Variants in CTNNA2 observed in about 807,000 individuals in gnomAD.
CTNNA2 encodes the protein catenin alpha 2.
In CTNNA2, 42 loss-of-function variants were observed where a neutral mutation model predicts 101.0. That is an observed-to-expected ratio of 0.42 (90% CI 0.32 to 0.54). The LOEUF (loss-of-function observed/expected upper bound fraction) is 0.54. Among genes scored for constraint, CTNNA2 ranks in the 20% least tolerant of loss-of-function variants. The probability of loss-of-function intolerance (pLI) is 0.14; values close to 1 mark genes in which losing one functional copy is unlikely to be tolerated. For missense variants in CTNNA2, 871 were observed against 1,223.1 expected (o/e 0.71, Z 4.29); for synonymous variants, 450 against 456.4 (o/e 0.99, Z 0.18).
chr2:80,042,861 C>A (rs1176896627), intron 7 of CTNNA2, among the ~76,000 whole-genome samples: 1 of 152,146 alleles, frequency 6.6e-6, no homozygotes, highest in African/African-American at 2.4e-5. Context: ...TGTGAAATGC[C>A]TTACAGCCTT....
At chr2:79,760,504 A>G (rs1030347713) in intron 3 of CTNNA2, among the ~76,000 whole-genome samples, 59 of 152,050 alleles carry the variant, frequency 3.9e-4, no homozygotes, top group African/African-American at 1.4e-3. Context: ...TTTCCAGCAG[A>G]CCTCGGTTTT....
intron 7 of CTNNA2, among the ~76,000 whole-genome samples, chr2:80,194,765 A>G (rs1706730542): frequency 6.7e-6 from 1 of 149,900 alleles, no homozygotes; most frequent in Non-Finnish European, 1.5e-5. Context: ...TTCTATTAAT[A>G]TATTATATAT....
chr2:80,530,348 A>G (rs1171119742), intron 9 of CTNNA2, among the ~76,000 whole-genome samples: 1 of 152,160 alleles, frequency 6.6e-6, no homozygotes, highest in African/African-American at 2.4e-5. Context: ...GTGGCCCATA[A>G]AAGGAAGAGT....
At chr2:79,982,386 CAT>C (rs997915727) in intron 7 of CTNNA2, among the ~76,000 whole-genome samples, 6 of 130,954 alleles carry the variant, frequency 4.6e-5, no homozygotes, top group Admixed American at 2.3e-4. Flanking sequence ...ACATATATAA[CAT>C]ATATAACATA....
At chr2:79,891,122 C>T (rs143682222) in intron 6 of CTNNA2, among the ~76,000 whole-genome samples, 1 of 151,942 alleles carries the variant, frequency 6.6e-6, no homozygotes, top group African/African-American at 2.4e-5. Context: ...CAGATCTTTA[C>T]ATTTTACAGC....
At chr2:79,254,627 C>T (rs1328173791) in intron 2 of CTNNA2, among the ~76,000 whole-genome samples, 1 of 152,110 alleles carries the variant, frequency 6.6e-6, no homozygotes, top group Non-Finnish European at 1.5e-5. Context: ...TTATAAATTA[C>T]CCAGTCTCAG....
At chr2:80,153,055 G>T (rs778532718) in intron 7 of CTNNA2, among the ~76,000 whole-genome samples, 47 of 152,092 alleles carry the variant, frequency 3.1e-4, no homozygotes, top group African/African-American at 1.1e-3. Flanking sequence ...TCCTGCTCCC[G>T]CAGAACACCG....
intron 7 of CTNNA2, among the ~76,000 whole-genome samples, chr2:80,309,104 G>GA (rs1157905716): frequency 3.3e-5 from 5 of 150,422 alleles, no homozygotes; most frequent in African/African-American, 7.3e-5. Flanking sequence ...AAGGAAAAAA[G>GA]AAAAAAAAGA....
intron 3 of CTNNA2, among the ~76,000 whole-genome samples, chr2:79,799,531 A>G (rs773048196): frequency 4.6e-5 from 7 of 152,228 alleles, no homozygotes; most frequent in Non-Finnish European, 1.0e-4. Context: ...AATCAAAAAT[A>G]CTGCAGAAAT....
At chr2:79,958,790 CA>C (rs199513757) in intron 7 of CTNNA2, among the ~76,000 whole-genome samples, 4 of 149,686 alleles carry the variant, frequency 2.7e-5, no homozygotes, top group South Asian at 2.1e-4. Context: ...TTTTTCTTTT[CA>C]TAAGATTGGC....
chr2:80,611,757 C>T (rs745968336), intron 17 of CTNNA2, among the ~76,000 whole-genome samples: 13 of 151,496 alleles, frequency 8.6e-5, no homozygotes, highest in Non-Finnish European at 1.8e-4. Flanking sequence ...AATTAGCATA[C>T]TGAATATCAA....
chr2:79,628,322 G>A (rs1249224550), intron 1 of CTNNA2, among the ~76,000 whole-genome samples: 1 of 151,822 alleles, frequency 6.6e-6, no homozygotes, highest in Non-Finnish European at 1.5e-5. Context: ...GTGTGGTGGC[G>A]GGCACCTGTA....
rs778388158 is a variant in CTNNA2, at chr2:80,303,313, C to T, written c.1057-89898C>T. ...CGGGCACAAACTGGATGGCGTTGGC[C>T]CGCATATGCAGCGTGGTGAGCTTCC... On this transcript the variant is annotated intron_variant, in intron 7 of 18. Transcript: ENST00000402739. The surrounding 1 kb of genome is among the most constrained non-coding windows in gnomAD (Gnocchi z 7.7). 9 of 1,613,752 alleles carry T rather than the reference C, an allele frequency of 5.6e-6. No individual in the cohort carries two copies. Among genetic ancestry groups the T allele is most frequent in the South Asian group, 3.3e-5 (3 of 91,084 alleles).
At chr2:80,027,467 A>AT (rs1032458606) in intron 7 of CTNNA2, among the ~76,000 whole-genome samples, 2 of 152,222 alleles carry the variant, frequency 1.3e-5, no homozygotes, top group African/African-American at 4.8e-5. Context: ...ATCAGGCTTC[A>AT]TTTTTCAGAA....
intron 2 of CTNNA2, among the ~76,000 whole-genome samples, chr2:79,661,785 GCTGACCTAGGCATTT>G: frequency 6.6e-6 from 1 of 152,180 alleles, no homozygotes; most frequent in East Asian, 1.9e-4. Context: ...AATGCCTGGT[GCTGACCTAGGCATTT>G]CCATTACTTC....
chr2:79,451,265 T>G (rs1034868873), intron 4 of CTNNA2, among the ~76,000 whole-genome samples: 1 of 152,132 alleles, frequency 6.6e-6, no homozygotes, highest in Non-Finnish European at 1.5e-5. Flanking sequence ...AGGATCCTTT[T>G]AGGATCAAAA....
Position 79,835,687 on chromosome 2 carries a change from T to G in CTNNA2, c.299-22326T>G, listed in dbSNP as rs796085420. On this transcript the variant is annotated intron_variant, in intron 3 of 18. Transcript: ENST00000402739. ...CTTTGTTTTTTTTTTTTTTTTTTTT[T>G]TTTTTTTTTTTTTTTTGAGACAGAG... Among the ~76,000 whole-genome samples the G allele has an allele frequency of 1.9e-3, 255 of 134,896 alleles. 4 individuals carry two copies. Among genetic ancestry groups the G allele is most frequent in the African/African-American group, 6.8e-3 (243 of 35,570 alleles). The allele number at this position is 134,896 out of a possible 152,430, so 88.5% of individuals were successfully genotyped here.
At chr2:79,607,068 A>G (rs1458199323) in intron 1 of CTNNA2, among the ~76,000 whole-genome samples, 1 of 152,190 alleles carries the variant, frequency 6.6e-6, no homozygotes, top group African/African-American at 2.4e-5. Context: ...AAAGATAGAA[A>G]TAGGTAAAAG....
intron 4 of CTNNA2, among the ~76,000 whole-genome samples, chr2:79,484,340 C>T (rs569312292): frequency 1.4e-4 from 22 of 152,218 alleles, no homozygotes; most frequent in African/African-American, 5.1e-4. Context: ...CATGAGCACT[C>T]ATGTAGATTG....
Sources: gnomAD v4.1 joint callset for allele counts (sites outside exome capture counted in the v4.1 genomes callset) on GRCh38, gnomAD v4.1.1 for gene constraint, Gnocchi (gnomAD v3.1) non-coding constraint, MANE v1.5 for transcripts, NCBI Gene and HGNC (gene_info 2026-07-23, HGNC 2026-07-21) for gene names.